The following KCNK3 variants were observed in gnomAD, a reference collection of about 807,000 sequenced individuals.
KCNK3 encodes potassium channel subfamily K member 3.
In KCNK3, 9 loss-of-function variants were observed where a neutral mutation model predicts 27.3. That is an observed-to-expected ratio of 0.33 (90% CI 0.20 to 0.57). The LOEUF (loss-of-function observed/expected upper bound fraction) is 0.57, where lower values mean the gene tolerates loss of function less well. Among genes scored for constraint, KCNK3 ranks in the 20% least tolerant of loss-of-function variants. KCNK3 has a pLI of 0.87. For synonymous variants in KCNK3, 278 were observed against 273.8 expected (o/e 1.02, Z -0.15); for missense variants, 391 against 577.7 (o/e 0.68, Z 3.31).
chr2:26,725,749 G>A (rs1405346601), intron 1 of KCNK3, among the ~76,000 whole-genome samples: 1 of 152,208 alleles, frequency 6.6e-6, no homozygotes, highest in African/African-American at 2.4e-5. Context: ...GAGGGGGTCA[G>A]GGGAGCTGGT....
At chr2:26,726,102 C>G (rs867071530) in intron 1 of KCNK3, among the ~76,000 whole-genome samples, 154 of 136,228 alleles carry the variant, frequency 1.1e-3, no homozygotes, top group East Asian at 2.6e-3. Context: ...CACACACACA[C>G]ACACAGAGAG....
At position 26,727,894 on chromosome 2, in the gene KCNK3, C is replaced by T; in HGVS notation, c.511C>T (p.Leu171=). 1 of 1,614,236 alleles carries T rather than the reference C, an allele frequency of 6.2e-7. No individual in the cohort carries two copies. Among genetic ancestry groups the T allele is most frequent in the Non-Finnish European group, 8.5e-7 (1 of 1,180,040 alleles). ...CGGCTTCTTCTCGTGCATCAGCACG[C>T]TGTGCATCGGCGCCGCCGCCTTCTC... ...LIGFFSCIST[L]CIGAAAFSHY... The change falls in exon 2 of 2, where the codon CTG becomes TTG. Residue 171 remains leucine, a synonymous_variant. Coordinates refer to ENST00000302909, the MANE Select transcript of KCNK3 (RefSeq NM_002246.3).
intron 1 of KCNK3, among the ~76,000 whole-genome samples, chr2:26,714,915 A>AAATAAATG (rs370313457): frequency 0.014 from 2,124 of 151,786 alleles, 58 homozygotes; most frequent in African/African-American, 0.049. Flanking sequence ...ATAAATAAAT[A>AAATAAATG]AGGAGGGATG....
chr2:26,698,144 C>T (rs2148254366), intron 1 of KCNK3, among the ~76,000 whole-genome samples: 1 of 152,284 alleles, frequency 6.6e-6, no homozygotes, highest in South Asian at 2.1e-4. Flanking sequence ...AGCACTCAGG[C>T]CTCTGGCAGC....
intron 1 of KCNK3, among the ~76,000 whole-genome samples, chr2:26,701,430 G>A (rs573239778): frequency 6.6e-6 from 1 of 152,316 alleles, no homozygotes; most frequent in East Asian, 1.9e-4. Flanking sequence ...CTTGCCCCAT[G>A]AGGAGGCCAG....
Position 26,729,427 on chromosome 2 carries a change from A to G in KCNK3, c.*859A>G, listed in dbSNP as rs1663496092. On this transcript the variant is annotated 3_prime_UTR_variant, in exon 2 of 2. Coordinates refer to ENST00000302909, the MANE Select transcript of KCNK3 (RefSeq NM_002246.3). Reference sequence around the variant, plus strand: ...TCTGAAAACTCTATGCTGGCCACTGATTCCTTTGAGTCTCACAAAACCCTA... The same window carrying G: ...TCTGAAAACTCTATGCTGGCCACTGGTTCCTTTGAGTCTCACAAAACCCTA... The G allele has an allele frequency of 6.6e-6, 1 of 152,194 alleles. No individual in the cohort carries two copies. The allele number at this position is 152,194 out of a possible 1,614,324, so 9.4% of individuals were successfully genotyped here.
At chr2:26,698,891 C>T (rs1187394176) in intron 1 of KCNK3, among the ~76,000 whole-genome samples, 1 of 151,854 alleles carries the variant, frequency 6.6e-6, no homozygotes, top group Admixed American at 6.6e-5. Context: ...GAAAGCTAGC[C>T]AGGGGCTGGG....
chr2:26,716,707 A>G (rs962264521), intron 1 of KCNK3, among the ~76,000 whole-genome samples: 9 of 152,208 alleles, frequency 5.9e-5, no homozygotes, highest in Non-Finnish European at 1.2e-4. Flanking sequence ...GGGCCTCTGC[A>G]TGGTACATGG....
At chr2:26,699,250 A>AAAGCAAGCAAGC (rs1406077526) in intron 1 of KCNK3, among the ~76,000 whole-genome samples, 7 of 142,874 alleles carry the variant, frequency 4.9e-5, no homozygotes, top group Middle Eastern at 7.0e-3. Flanking sequence ...AGAAAGAAAG[A>AAAGCAAGCAAGC]AAGCCAGCCA....
intron 1 of KCNK3, among the ~76,000 whole-genome samples, chr2:26,726,209 G>T (rs1159735919): frequency 6.6e-6 from 1 of 152,012 alleles, no homozygotes; most frequent in Non-Finnish European, 1.5e-5. Flanking sequence ...CATATTCTGG[G>T]CCTCCATAGG....
At chr2:26,703,903 C>T (rs1670338512) in intron 1 of KCNK3, among the ~76,000 whole-genome samples, 1 of 152,124 alleles carries the variant, frequency 6.6e-6, no homozygotes, top group Non-Finnish European at 1.5e-5. Context: ...TGAGCATGCC[C>T]AAGGAAATGT....
chr2:26,728,205 A>G lies in KCNK3; in HGVS notation c.822A>G (p.Gly274=). The change falls in exon 2 of 2, where the codon GGA becomes GGG. Residue 274 remains glycine, a synonymous_variant. Transcript: ENST00000302909. ...LTRNGQAGGG[G]GGGSAHTTDT... is the part of the protein sequence containing the mutation. ...GCAACGGGCAGGCGGGCGGCGGCGGAGGGGGTGGCAGCGCGCACACTACGG... is the reference window on the plus strand; with the variant it reads ...GCAACGGGCAGGCGGGCGGCGGCGGGGGGGGTGGCAGCGCGCACACTACGG... 4 of 1,560,454 alleles carry G rather than the reference A, an allele frequency of 2.6e-6. No individual in the cohort carries two copies. The highest frequency in any genetic ancestry group is 2.3e-5 in the South Asian group (2 of 86,098).
At chr2:26,702,762 G>T (rs1383254439) in intron 1 of KCNK3, among the ~76,000 whole-genome samples, 1 of 152,266 alleles carries the variant, frequency 6.6e-6, no homozygotes, top group East Asian at 1.9e-4. Context: ...CAAGGAATTG[G>T]TGTATAGGCT....
intron 1 of KCNK3, among the ~76,000 whole-genome samples, chr2:26,694,576 G>A (rs1173747523): frequency 1.3e-5 from 2 of 152,174 alleles, no homozygotes; most frequent in African/African-American, 4.8e-5. Flanking sequence ...GGAAGAGGGA[G>A]GAAAGGGCCC....
chr2:26,718,668 G>A (rs1288964331), intron 1 of KCNK3, among the ~76,000 whole-genome samples: 2 of 152,012 alleles, frequency 1.3e-5, no homozygotes, highest in Non-Finnish European at 2.9e-5. Context: ...GAGTGTAGTG[G>A]TGCAATTACT....
At chr2:26,695,931 C>T (rs991739335) in intron 1 of KCNK3, among the ~76,000 whole-genome samples, 8 of 152,236 alleles carry the variant, frequency 5.3e-5, no homozygotes, top group African/African-American at 1.4e-4. Context: ...TTTGTGTTGC[C>T]TTCCACTGTG....
At chr2:26,707,084 A>G (rs961541616) in intron 1 of KCNK3, among the ~76,000 whole-genome samples, 1 of 152,150 alleles carries the variant, frequency 6.6e-6, no homozygotes, top group Non-Finnish European at 1.5e-5. Context: ...CTCTGTGTCT[A>G]GTCCCAAGAA....
At chr2:26,697,746 T>C (rs1670253408) in intron 1 of KCNK3, among the ~76,000 whole-genome samples, 1 of 152,130 alleles carries the variant, frequency 6.6e-6, no homozygotes. Context: ...GATTCGCTGA[T>C]GGGGCTGGGG....
intron 1 of KCNK3, among the ~76,000 whole-genome samples, chr2:26,705,756 G>C (rs954419923): frequency 6.6e-6 from 1 of 152,126 alleles, no homozygotes; most frequent in Non-Finnish European, 1.5e-5. Flanking sequence ...GAACAGGATG[G>C]GAATCTGAGA....
Sources: allele counts gnomAD v4.1 joint callset (sites outside exome capture counted in the v4.1 genomes callset), GRCh38; gene constraint gnomAD v4.1.1; transcripts MANE v1.5; gene names NCBI Gene and HGNC (gene_info 2026-07-23, HGNC 2026-07-21).